Variants in RABGAP1L observed in about 807,000 individuals in gnomAD.
RABGAP1L encodes rab GTPase-activating protein 1-like.
A neutral mutation model predicts 137.7 loss-of-function variants in RABGAP1L; 63 were observed. The ratio of observed to expected loss-of-function variants is 0.46; its 90% confidence interval spans 0.37 to 0.56. The LOEUF (loss-of-function observed/expected upper bound fraction) is 0.56, where lower values mean the gene tolerates loss of function less well. RABGAP1L is among the 20% of genes least tolerant of loss of function. RABGAP1L has a pLI of 0.00. For synonymous variants in RABGAP1L, 431 were observed against 433.7 expected, an observed-to-expected ratio of 0.99 and a Z score of 0.08; for missense variants, 1,095 against 1,244.0, an observed-to-expected ratio of 0.88 and a Z score of 1.80.
intron 19 of RABGAP1L, among the ~76,000 whole-genome samples, chr1:174,889,763 T>C (rs1011475967): frequency 9.9e-5 from 15 of 152,120 alleles, no homozygotes; most frequent in African/African-American, 3.6e-4. Flanking sequence ...TGTCTCTTAC[T>C]CTGTCACCCA....
At chr1:174,643,933 GTGTGTGTGTA>G (rs1369285370) in intron 14 of RABGAP1L, among the ~76,000 whole-genome samples, 1 of 135,108 alleles carries the variant, frequency 7.4e-6, no homozygotes, top group African/African-American at 3.5e-5. Context: ...GTGTGTGTGT[GTGTGTGTGTA>G]TGTATGTATG....
intron 17 of RABGAP1L, among the ~76,000 whole-genome samples, chr1:174,707,082 ATTG>A (rs1680104920): frequency 6.6e-6 from 1 of 152,182 alleles, no homozygotes; most frequent in Admixed American, 6.5e-5. Context: ...AAGGAGTAGA[ATTG>A]TTGTGTTAGG....
Position 174,231,295 on chromosome 1 carries a change from C to A in RABGAP1L, c.482C>A (p.Ser161Tyr). 4 of 1,614,106 alleles carry A rather than the reference C, an allele frequency of 2.5e-6. No homozygotes were observed. Among genetic ancestry groups the A allele is most frequent in the Non-Finnish European group, 3.4e-6 (4 of 1,180,002 alleles). ...CGGGCAATGGCAACCATGAAATCTT[C>A]CAGTCAATACCCCTTTCCTGTTACC... ...ALRAMATMKS[S>Y]SQYPFPVTLY... The change falls in exon 4 of 26, where the codon TCC becomes TAC. Residue 161 changes from serine to tyrosine, a missense_variant. Ser to Tyr is a moderately radical substitution (Grantham distance 144). This residue lies in a region of RABGAP1L where 356 missense variants were observed against 326.3 expected (regional missense o/e 1.09). Coordinates refer to ENST00000681986, the MANE Select transcript of RABGAP1L (RefSeq NM_001366446.1).
At chr1:174,277,528 T>C (rs1675105476) in intron 9 of RABGAP1L, among the ~76,000 whole-genome samples, 1 of 151,480 alleles carries the variant, frequency 6.6e-6, no homozygotes, top group Admixed American at 6.6e-5. Context: ...AACTATATAA[T>C]AGTATATTAT....
chr1:174,389,964 A>G (rs1687091507), intron 12 of RABGAP1L, among the ~76,000 whole-genome samples: 1 of 152,174 alleles, frequency 6.6e-6, no homozygotes, highest in Non-Finnish European at 1.5e-5. Context: ...GTTCCTGATA[A>G]CTGCAGTTAA....
chr1:174,838,952 A>AAAAAAAAAAAG, intron 19 of RABGAP1L, among the ~76,000 whole-genome samples: 1 of 140,658 alleles, frequency 7.1e-6, no homozygotes, highest in Non-Finnish European at 1.5e-5. Context: ...AAAAAAAAAA[A>AAAAAAAAAAAG]AATGACATGA....
intron 14 of RABGAP1L, among the ~76,000 whole-genome samples, chr1:174,664,697 T>TTCTCTC (rs1277384139): frequency 6.7e-6 from 1 of 149,522 alleles, no homozygotes; most frequent in Non-Finnish European, 1.5e-5. Flanking sequence ...TTATGGTTCT[T>TTCTCTC]TCTCTCTCTC....
At chr1:174,637,284 C>T in intron 13 of RABGAP1L, 91 bp from the exon 14 acceptor site, 1 of 838,204 alleles carries the variant, frequency 1.2e-6, no homozygotes, top group Non-Finnish European at 1.9e-6. Context: ...GTTTACTTTT[C>T]TTGCTGTTTG....
chr1:174,191,015 G>T (rs374215026), intron 1 of RABGAP1L, among the ~76,000 whole-genome samples: 1 of 152,200 alleles, frequency 6.6e-6, no homozygotes, highest in African/African-American at 2.4e-5. Flanking sequence ...TCTGAAGTTC[G>T]CTGTCTTAGA....
At chr1:174,296,807 A>G (rs981056339) in intron 10 of RABGAP1L, among the ~76,000 whole-genome samples, 12 of 152,240 alleles carry the variant, frequency 7.9e-5, no homozygotes, top group African/African-American at 2.7e-4. Context: ...TGCTTAAGAA[A>G]TGATTTAATG....
At chr1:174,629,647 T>G (rs529354555) in intron 13 of RABGAP1L, among the ~76,000 whole-genome samples, 1 of 152,142 alleles carries the variant, frequency 6.6e-6, no homozygotes, top group East Asian at 1.9e-4. Context: ...CTCAGCCTCC[T>G]GAGTAGCTGG....
rs117261373 is a variant in RABGAP1L at position 174,730,605 on chromosome 1, G to A, written c.2170-21708G>A. 5.3e-3 allele frequency among the ~76,000 whole-genome samples: 800 copies of A among 152,162 alleles called. 19 individuals carry two copies. The highest frequency in any genetic ancestry group is 0.038 in the Admixed American group (576 of 15,280). On this transcript the variant is annotated intron_variant, in intron 17 of 25. Transcript: ENST00000681986. ...TTCTCTTGATGTTTGGATTTTCCCC[G>A]AAACTGGTTAATTATGTTTAAAACT...
intron 11 of RABGAP1L, among the ~76,000 whole-genome samples, chr1:174,351,707 G>A (rs1185140969): frequency 1.3e-5 from 2 of 152,124 alleles, no homozygotes; most frequent in Non-Finnish European, 2.9e-5. Context: ...TCTTCTTTGA[G>A]TTAAATCTGC....
chr1:174,328,943 C>T (rs1373660807), intron 11 of RABGAP1L, among the ~76,000 whole-genome samples: 1 of 150,572 alleles, frequency 6.6e-6, no homozygotes, highest in Non-Finnish European at 1.5e-5. Context: ...ACTAGGAAAA[C>T]TAACACGTCT....
intron 21 of RABGAP1L, among the ~76,000 whole-genome samples, chr1:174,974,884 A>T (rs6700621): frequency 0.01 from 1,584 of 152,336 alleles, 26 homozygotes; most frequent in African/African-American, 0.036. Context: ...GGCCTGGCCC[A>T]TCTGGACATG....
intron 19 of RABGAP1L, among the ~76,000 whole-genome samples, chr1:174,944,957 G>A (rs1398704618): frequency 2.6e-5 from 4 of 152,140 alleles, no homozygotes; most frequent in Non-Finnish European, 4.4e-5. Context: ...AATTGCCAGC[G>A]ACAATTGACA....
chr1:174,297,242 T>C (rs1368897330), intron 10 of RABGAP1L, among the ~76,000 whole-genome samples: 1 of 152,244 alleles, frequency 6.6e-6, no homozygotes, highest in African/African-American at 2.4e-5. Context: ...GCAGGTTTTC[T>C]TTAGTTCAGC....
At chr1:174,574,741 A>T (rs1668240534) in intron 13 of RABGAP1L, among the ~76,000 whole-genome samples, 1 of 152,202 alleles carries the variant, frequency 6.6e-6, no homozygotes, top group Non-Finnish European at 1.5e-5. Flanking sequence ...TTACCAAACA[A>T]CTGATTGGCC....
intron 11 of RABGAP1L, among the ~76,000 whole-genome samples, chr1:174,341,313 G>A (rs184431409): frequency 1.4e-3 from 212 of 152,184 alleles, no homozygotes; most frequent in Admixed American, 2.3e-3. Context: ...ATGCATCTTT[G>A]CCATGCTTCG....
Sources: gnomAD v4.1 joint callset for allele counts (sites outside exome capture counted in the v4.1 genomes callset) on GRCh38, gnomAD v4.1.1 for gene constraint, gnomAD v4.1.1 regional missense constraint, MANE v1.5 for transcripts, NCBI Gene and HGNC (gene_info 2026-07-23, HGNC 2026-07-21) for gene names.